Variants in BRD4 observed in about 807,000 individuals in gnomAD.
The protein encoded by BRD4 is bromodomain containing 4.
A neutral mutation model predicts 142.1 loss-of-function variants in BRD4; 16 were observed. The observed-to-expected ratio is 0.11, with a 90% confidence interval of 0.08 to 0.17. The LOEUF (loss-of-function observed/expected upper bound fraction) is 0.17. BRD4 is among the 10% of genes least tolerant of loss of function. The pLI, the probability that BRD4 is intolerant of heterozygous loss-of-function variation, is 1.00. For missense variants in BRD4, 1,424 were observed against 1,810.9 expected (o/e 0.79, Z 3.88); for synonymous variants, 833 against 707.5 (o/e 1.18, Z -2.82).
At chr19:15,331,642 A>G (rs972834190) in intron 1 of BRD4, among the ~76,000 whole-genome samples, 6 of 152,014 alleles carry the variant, frequency 3.9e-5, no homozygotes, top group Non-Finnish European at 8.8e-5. Flanking sequence ...CTTTCTCCGC[A>G]GCACTCCGGG....
At chr19:15,301,166 A>G (rs2047864094) in intron 1 of BRD4, among the ~76,000 whole-genome samples, 1 of 152,234 alleles carries the variant, frequency 6.6e-6, no homozygotes, top group African/African-American at 2.4e-5. Context: ...TAACGAAAAG[A>G]AGCCTGACTC....
At chr19:15,268,850 G>T in intron 3 of BRD4, 55 bp downstream of exon 3, 1 of 1,598,830 alleles carries the variant, frequency 6.3e-7, no homozygotes, top group South Asian at 1.1e-5. Context: ...GCCCACTGCC[G>T]TCGCCTCCCC....
At chr19:15,273,872 T>C (rs570666237) in intron 1 of BRD4, among the ~76,000 whole-genome samples, 53 of 151,588 alleles carry the variant, frequency 3.5e-4, no homozygotes, top group African/African-American at 1.2e-3. Flanking sequence ...AGTGGAGATA[T>C]CATTCTGGGA....
chr19:15,321,429 C>T (rs372496159), intron 1 of BRD4, among the ~76,000 whole-genome samples: 152 of 151,236 alleles, frequency 1.0e-3, no homozygotes, highest in African/African-American at 3.2e-3. Context: ...CAGCTACAGG[C>T]GCCATGCTTG....
At chr19:15,301,496 G>A (rs148593595) in intron 1 of BRD4, among the ~76,000 whole-genome samples, 3,796 of 151,880 alleles carry the variant, frequency 0.025, 153 homozygotes, top group African/African-American at 0.088. Flanking sequence ...GAGAGGCAGA[G>A]GTTGCAGTGA....
chr19:15,261,842 G>C (rs537767069), intron 7 of BRD4, among the ~76,000 whole-genome samples: 49 of 152,258 alleles, frequency 3.2e-4, no homozygotes, highest in Non-Finnish European at 4.7e-4. Context: ...AGGCTCAATT[G>C]AGCACAGCAG....
rs201086617 is a variant in BRD4 at position 15,244,732 on chromosome 19, T to A, written c.2189A>T (p.His730Leu). ...TACCTTCTTCTGCTCCCTCCCGGGGTGCCCCTTCTTTTTTGACTTCGGAGC... is the reference window on the plus strand; with the variant it reads ...TACCTTCTTCTGCTCCCTCCCGGGGAGCCCCTTCTTTTTTGACTTCGGAGC... ...EMAPKSKKKG[H>L]PGREQKKHHH... Residue 730 changes from histidine to leucine, a missense_variant, in exon 12 of 20, where the codon CAC becomes CTC. Around this residue, in one of 16 missense-constraint regions of BRD4, gnomAD observed 598 missense variants for 647.8 expected, o/e 0.92. Transcript: ENST00000679869. 6.2e-6 allele frequency: 10 copies of A among 1,614,018 alleles called. No homozygotes were observed. The highest frequency in any genetic ancestry group is 1.1e-5 in the South Asian group (1 of 91,074).
intron 1 of BRD4, among the ~76,000 whole-genome samples, chr19:15,301,032 G>T (rs996637338): frequency 6.6e-6 from 1 of 152,178 alleles, no homozygotes; most frequent in Non-Finnish European, 1.5e-5. Context: ...CCATCCACGT[G>T]TCCTTCAACT....
Position 15,244,634 on chromosome 19 carries a change from G to A in BRD4, c.2212-34C>T, listed in dbSNP as rs564355137. 5.0e-6 allele frequency: 8 copies of A among 1,613,914 alleles called. No individual in the cohort carries two copies. In the East Asian group the frequency reaches 1.6e-4, roughly 31 times the overall value. Reference sequence around the variant, plus strand: ...AGAGAGACAGACAGACAGACAGGCTGATGTCAGGCAGGCAGAACTGGCCCG... The same window carrying A: ...AGAGAGACAGACAGACAGACAGGCTAATGTCAGGCAGGCAGAACTGGCCCG... On this transcript the variant is annotated intron_variant, in intron 12 of 19. Coordinates refer to ENST00000679869, the MANE Select transcript of BRD4 (RefSeq NM_001379291.1).
intron 1 of BRD4, among the ~76,000 whole-genome samples, chr19:15,327,401 G>A (rs910184223): frequency 2.0e-5 from 3 of 152,062 alleles, no homozygotes; most frequent in Non-Finnish European, 4.4e-5. Context: ...AAAATTAGCC[G>A]GGCATGGTGG....
rs555723608 is a variant in BRD4, at chr19:15,302,444, G to T, written c.-34-29311C>A. Among the ~76,000 whole-genome samples the T allele has an allele frequency of 2.9e-3, 443 of 152,210 alleles. 4 individuals are homozygous for T. Among genetic ancestry groups the T allele is most frequent in the African/African-American group, 0.01 (419 of 41,540 alleles). On this transcript the variant is annotated intron_variant, in intron 1 of 19. Coordinates refer to ENST00000679869, the MANE Select transcript of BRD4 (RefSeq NM_001379291.1). The stretch of plus-strand genomic sequence containing the variant: ...AAACAGAGCAGTTCGGCCACGCACG[G>T]TGGCTCACGAGGTCAACAGATCAAG...
intron 1 of BRD4, among the ~76,000 whole-genome samples, chr19:15,305,660 T>A (rs2047907682): frequency 6.6e-6 from 1 of 152,206 alleles, no homozygotes; most frequent in Non-Finnish European, 1.5e-5. Context: ...ATTCTTAAGG[T>A]CCTTGGATAT....
intron 1 of BRD4, among the ~76,000 whole-genome samples, chr19:15,276,655 AC>A (rs1349484327): frequency 6.6e-6 from 1 of 152,098 alleles, no homozygotes; most frequent in Non-Finnish European, 1.5e-5. Context: ...TAGTGACCAT[AC>A]CCACATTGTC....
rs368982771 is a variant in BRD4, at chr19:15,239,618, G to A, written c.3445+41C>T. Reference sequence around the variant, plus strand: ...CAAGCTTATGTCCAACACGGGCCTCGGGGGGCCTGAGCCCTGGCTGTGGGC... The same window carrying A: ...CAAGCTTATGTCCAACACGGGCCTCAGGGGGCCTGAGCCCTGGCTGTGGGC... On this transcript the variant is annotated intron_variant, in intron 16 of 19. Transcript: ENST00000679869. This position sits in a 1 kb window ranked among gnomAD's most constrained non-coding sequence, Gnocchi z 7.4. The A allele has an allele frequency of 5.6e-5, 87 of 1,557,598 alleles. No homozygotes were observed. In the African/African-American group the frequency reaches 9.0e-4, roughly 16 times the overall value.
intron 11 of BRD4, chr19:15,253,736 G>A (rs1191993411): frequency 8.8e-6 from 14 of 1,598,462 alleles, no homozygotes; most frequent in Non-Finnish European, 1.2e-5. Context: ...ACGTGACTGT[G>A]ATACGGGGAA....
At chr19:15,264,221 T>A in intron 6 of BRD4, 183 bp downstream of exon 6, 6 of 737,418 alleles carry the variant, frequency 8.1e-6, no homozygotes, top group Non-Finnish European at 1.3e-5. Flanking sequence ...AAGCACCAGG[T>A]CTCAGAGCAC....
At position 15,238,650 on chromosome 19, in the gene BRD4, C is replaced by T. The variant is rs1344307088; in HGVS notation, c.4020+93G>A. The T allele has an allele frequency of 2.1e-6, 3 of 1,453,660 alleles. No individual in the cohort carries two copies. Among genetic ancestry groups the T allele is most frequent in the Non-Finnish European group, 2.7e-6 (3 of 1,100,586 alleles). The allele number at this position is 1,453,660 out of a possible 1,614,324, so 90.0% of individuals were successfully genotyped here. ...GACCAGCAGGGACGGGGCTCCCCCG[C>T]TGCCCCTCCCTGTCCAGGCTCCAGT... On this transcript the variant is annotated intron_variant, in intron 19 of 19. Transcript: ENST00000679869. This position sits in a 1 kb window ranked among gnomAD's most constrained non-coding sequence, Gnocchi z 7.2.
intron 11 of BRD4, 95 bp from the exon 12 acceptor site, chr19:15,244,857 G>C: frequency 5.6e-6 from 9 of 1,598,928 alleles, no homozygotes; most frequent in South Asian, 2.2e-5. Context: ...GCACTTTCAG[G>C]AGAAGGACCA....
At position 15,239,000 on chromosome 19, in the gene BRD4, C is replaced by T. The variant is rs759445995; in HGVS notation, c.3783-20G>A. The T allele has an allele frequency of 1.3e-5, 21 of 1,577,844 alleles. No individual in the cohort carries two copies. In the South Asian group the frequency reaches 2.4e-4, roughly 18 times the overall value. Reference sequence around the variant, plus strand: ...CGGCTCCTGGGCAGAGGGTCCCAGTCAGCCTGGGGACTGGTGTGGCCCCAA... The same window carrying T: ...CGGCTCCTGGGCAGAGGGTCCCAGTTAGCCTGGGGACTGGTGTGGCCCCAA... On this transcript the variant is annotated intron_variant, in intron 18 of 19. Transcript: ENST00000679869. The surrounding 1 kb of genome is among the most constrained non-coding windows in gnomAD (Gnocchi z 7.2).
Sources: allele counts gnomAD v4.1 joint callset (sites outside exome capture counted in the v4.1 genomes callset), GRCh38; gene constraint gnomAD v4.1.1; regional missense constraint gnomAD v4.1.1; non-coding constraint Gnocchi (gnomAD v3.1); transcripts MANE v1.5; gene names NCBI Gene and HGNC (gene_info 2026-07-23, HGNC 2026-07-21).